Variants in FAM120B observed in about 807,000 individuals in gnomAD.
The protein encoded by FAM120B is family with sequence similarity 120 member B, also known as constitutive coactivator of peroxisome proliferator-activated receptor gamma.
Under a neutral mutation model 96.3 loss-of-function variants are expected in FAM120B, and 83 were observed. That is an observed-to-expected ratio of 0.86 (90% confidence interval 0.72 to 1.03). The LOEUF (loss-of-function observed/expected upper bound fraction) is 1.03. Ranked by LOEUF, FAM120B falls within the 50% of genes least tolerant of loss-of-function variation. The pLI is 0.00. For missense variants in FAM120B, 1,027 were observed against 1,121.2 expected (o/e 0.92, Z 1.20); for synonymous variants, 407 against 402.7 (o/e 1.01, Z -0.13).
At chr6:170,401,191 C>T (rs1025126571) in intron 9 of FAM120B, among the ~76,000 whole-genome samples, 6 of 152,204 alleles carry the variant, frequency 3.9e-5, no homozygotes, top group South Asian at 2.1e-4. Flanking sequence ...GCAGATCCCT[C>T]GGCCATCCAG....
intron 9 of FAM120B, among the ~76,000 whole-genome samples, chr6:170,398,296 T>G (rs920717202): frequency 5.9e-5 from 9 of 152,268 alleles, no homozygotes; most frequent in African/African-American, 1.7e-4. Context: ...ATTAGTAAAG[T>G]GTAACTCTTA....
chr6:170,368,693 C>T (rs1788958493), intron 6 of FAM120B, among the ~76,000 whole-genome samples: 1 of 152,078 alleles, frequency 6.6e-6, no homozygotes, highest in South Asian at 2.1e-4. Flanking sequence ...ATGTACTGGT[C>T]AGTTTGGGCT....
At chr6:170,379,624 A>G (rs1309172680) in intron 6 of FAM120B, among the ~76,000 whole-genome samples, 1 of 152,244 alleles carries the variant, frequency 6.6e-6, no homozygotes, top group Non-Finnish European at 1.5e-5. Context: ...TTCAACCTAT[A>G]TAAAAAGGGG....
At chr6:170,404,716 C>G in intron 10 of FAM120B, 47 bp from the exon 11 acceptor site, 2 of 803,126 alleles carry the variant, frequency 2.5e-6, no homozygotes, top group South Asian at 1.6e-5. Context: ...ATCCTGCTGA[C>G]CTGGTGCCGA....
intron 1 of FAM120B, among the ~76,000 whole-genome samples, chr6:170,311,132 G>A (rs944713959): frequency 7.9e-5 from 12 of 152,354 alleles, no homozygotes; most frequent in Admixed American, 5.2e-4. Flanking sequence ...CCTGGTTCAC[G>A]ATGGACCATC....
At chr6:170,382,818 C>T (rs1337793472) in intron 6 of FAM120B, among the ~76,000 whole-genome samples, 2 of 151,920 alleles carry the variant, frequency 1.3e-5, no homozygotes, top group African/African-American at 4.8e-5. Context: ...TATGGAAGGG[C>T]AGTGAAACTA....
chr6:170,334,229 T>G (rs1786264142), intron 4 of FAM120B, among the ~76,000 whole-genome samples: 1 of 152,220 alleles, frequency 6.6e-6, no homozygotes. Context: ...TTGTCTATCT[T>G]GAAGAACCTT....
At chr6:170,372,015 T>C (rs1190354189) in intron 6 of FAM120B, among the ~76,000 whole-genome samples, 4 of 152,160 alleles carry the variant, frequency 2.6e-5, no homozygotes, top group African/African-American at 9.7e-5. Flanking sequence ...TGAAAGTAGG[T>C]AGTTGACTCT....
chr6:170,395,555 C>A lies in FAM120B; in HGVS notation c.2668C>A (p.Gln890Lys). 1.3e-6 allele frequency: 2 copies of A among 1,597,014 alleles called. No homozygotes were observed. Among genetic ancestry groups the A allele is most frequent in the Non-Finnish European group, 1.7e-6 (2 of 1,171,848 alleles). The change falls in exon 9 of 11, where the codon CAG (glutamine) becomes AAG (lysine). Residue 890 changes from glutamine (Q) to lysine (K), a missense_variant. Physicochemically the swap from Gln to Lys is moderately conservative, Grantham distance 53 (BLOSUM62 1). Coordinates refer to ENST00000476287, the MANE Select transcript of FAM120B (RefSeq NM_032448.3). ...GSGYSRSSQG[Q>K]PWRDQGPGSR... ...TGGGTATAGCCGTTCCAGTCAGGGA[C>A]AGCCGTGGAGAGACCAGGGACCAGG...
At chr6:170,323,596 T>C (rs776148789) in intron 3 of FAM120B, among the ~76,000 whole-genome samples, 1 of 152,162 alleles carries the variant, frequency 6.6e-6, no homozygotes, top group African/African-American at 2.4e-5. Context: ...GAGAGTAGAG[T>C]ATGCCTATTA....
chr6:170,293,593 G>A (rs1034670846), upstream of FAM120B, among the ~76,000 whole-genome samples: 10 of 152,066 alleles, frequency 6.6e-5, no homozygotes, highest in African/African-American at 2.4e-4. Context: ...TTTATGCCAC[G>A]CGATTCTGTA....
At chr6:170,351,843 G>A (rs1787602139) in intron 5 of FAM120B, among the ~76,000 whole-genome samples, 1 of 152,196 alleles carries the variant, frequency 6.6e-6, no homozygotes, top group Non-Finnish European at 1.5e-5. Flanking sequence ...ACACACTGAA[G>A]TACACAGACC....
chr6:170,356,737 A>G (rs1000707712), intron 5 of FAM120B, among the ~76,000 whole-genome samples: 7 of 152,194 alleles, frequency 4.6e-5, no homozygotes, highest in Admixed American at 6.5e-5. Context: ...GAACCCATGC[A>G]ATTCAAACCT....
At chr6:170,307,443 C>T (rs983951271) in intron 1 of FAM120B, among the ~76,000 whole-genome samples, 2 of 152,130 alleles carry the variant, frequency 1.3e-5, no homozygotes, top group African/African-American at 2.4e-5. Context: ...AGAAAAGGGT[C>T]CCTCGAGGGT....
At chr6:170,320,425 C>G (rs1307766185) in intron 2 of FAM120B, among the ~76,000 whole-genome samples, 2 of 152,086 alleles carry the variant, frequency 1.3e-5, no homozygotes, top group African/African-American at 2.4e-5. Context: ...TGTAGTAACT[C>G]AGGTAAAATA....
intron 6 of FAM120B, among the ~76,000 whole-genome samples, chr6:170,378,754 C>T (rs142319708): frequency 2.0e-5 from 3 of 152,316 alleles, no homozygotes; most frequent in Non-Finnish European, 4.4e-5. Flanking sequence ...GCCCTGAGCT[C>T]CTGGTTGTGG....
At chr6:170,398,314 A>G (rs1368810952) in intron 9 of FAM120B, among the ~76,000 whole-genome samples, 1 of 151,928 alleles carries the variant, frequency 6.6e-6, no homozygotes, top group African/African-American at 2.4e-5. Flanking sequence ...TTAGGAGTCA[A>G]TAAGGAAGGT....
chr6:170,329,969 C>A (rs1342557277), intron 3 of FAM120B, among the ~76,000 whole-genome samples: 1 of 152,190 alleles, frequency 6.6e-6, no homozygotes, highest in African/African-American at 2.4e-5. Context: ...GGGACACCAC[C>A]TCTTCTTCCC....
In FAM120B at chr6:170,406,315, AG is replaced by A. The variant is rs1442402339; in HGVS notation, c.*1566del. The A allele has an allele frequency of 6.6e-6, 1 of 152,142 alleles. No homozygotes were observed. The highest frequency in any genetic ancestry group is 1.5e-5 in the Non-Finnish European group (1 of 68,042). 9.4% of individuals were successfully genotyped at this position (152,142 alleles called of 1,614,324 possible). A position where few individuals can be genotyped will look rare whatever the true frequency, so the allele number is the denominator to read the frequency against. ...TCTGAAGATGCCCCGTGTTCTTAGG[AG>A]GTGCTCACCCCTGGCACCTAAAGAC... On this transcript the variant is annotated 3_prime_UTR_variant, in exon 11 of 11. Coordinates refer to ENST00000476287, the MANE Select transcript of FAM120B (RefSeq NM_032448.3).
Sources: allele counts gnomAD v4.1 joint callset (sites outside exome capture counted in the v4.1 genomes callset), GRCh38; gene constraint gnomAD v4.1.1; transcripts MANE v1.5; gene names NCBI Gene and HGNC (gene_info 2026-07-23, HGNC 2026-07-21).